The following SRGAP3 variants were observed in gnomAD, a reference collection of about 807,000 sequenced individuals.
SRGAP3 encodes SLIT-ROBO Rho GTPase activating protein 3.
A neutral mutation model predicts 121.1 loss-of-function variants in SRGAP3; 39 were observed. The ratio of observed to expected loss-of-function variants is 0.32; its 90% CI spans 0.25 to 0.42. The LOEUF is 0.42. Ranked by LOEUF, SRGAP3 falls within the 10% of genes least tolerant of loss-of-function variation. The pLI, the probability that SRGAP3 is intolerant of heterozygous loss-of-function variation, is 1.00. For synonymous variants in SRGAP3, 601 were observed against 570.0 expected, an observed-to-expected ratio of 1.05 and a Z score of -0.77; for missense variants, 1,213 against 1,470.6, an observed-to-expected ratio of 0.82 and a Z score of 2.86.
At chr3:9,152,487 G>A (rs1243485631) in intron 1 of SRGAP3, among the ~76,000 whole-genome samples, 16 of 152,322 alleles carry the variant, frequency 1.1e-4, no homozygotes, top group Non-Finnish European at 4.4e-5. Flanking sequence ...CTAAAGCCAC[G>A]CAGGCCCAGC....
At chr3:9,059,002 G>A (rs1347305360) in intron 6 of SRGAP3, 1 of 164,138 alleles carries the variant, frequency 6.1e-6, no homozygotes, top group Non-Finnish European at 1.3e-5. Flanking sequence ...ACAAGCGTGA[G>A]CCCATCTTTC....
At chr3:9,100,012 C>T (rs946014674) in intron 3 of SRGAP3, among the ~76,000 whole-genome samples, 3 of 152,216 alleles carry the variant, frequency 2.0e-5, no homozygotes, top group Non-Finnish European at 2.9e-5. Flanking sequence ...GCTGATGCCA[C>T]GTGTGAGTCC....
Position 9,323,901 on chromosome 3 carries a change from T to A in SRGAP3, n.442+2109A>T, listed in dbSNP as rs544571987. Among the ~76,000 whole-genome samples the A allele has an allele frequency of 9.2e-5, 14 of 151,360 alleles. No homozygotes were observed. The South Asian group carries it at 2.5e-3, about 27-fold the overall frequency. ...AAGAAAAACTTCAGCGGAATTAAAT[T>A]TAAAAGAGTTTGAGCAATGAACGAT... On this transcript the variant is annotated intron_variant and non_coding_transcript_variant, in intron 3 of 3. Transcript: ENST00000490889.
intron 3 of SRGAP3, among the ~76,000 whole-genome samples, chr3:9,286,372 C>A: frequency 6.6e-6 from 1 of 151,454 alleles, no homozygotes; most frequent in East Asian, 2.0e-4. Context: ...TACCAAAATC[C>A]AAGGTTGGCT....
chr3:9,212,318 C>T (rs768046460), intron 1 of SRGAP3, among the ~76,000 whole-genome samples: 3 of 152,194 alleles, frequency 2.0e-5, no homozygotes, highest in Non-Finnish European at 4.4e-5. Context: ...TGTTTCCCAA[C>T]CCCAAGAGGT....
chr3:9,226,475 C>T (rs2125210321), intron 1 of SRGAP3, among the ~76,000 whole-genome samples: 1 of 152,276 alleles, frequency 6.6e-6, no homozygotes, highest in East Asian at 1.9e-4. Context: ...TAGGAGACTG[C>T]CTGCCTGTTC....
chr3:9,349,053 T>C lies in SRGAP3; in HGVS notation n.214+13787A>G, dbSNP rs747200410. Reference sequence around the variant, plus strand: ...GAGGGCCTCTCTGAAGAGGCTATCATGGAGCTGAACCTGCCCACTGGTATT... The same window carrying C: ...GAGGGCCTCTCTGAAGAGGCTATCACGGAGCTGAACCTGCCCACTGGTATT... On this transcript the variant is annotated intron_variant and non_coding_transcript_variant, in intron 1 of 3. Transcript: ENST00000490889. The C allele has an allele frequency of 5.0e-5, 49 of 980,830 alleles. No homozygotes were observed. The East Asian group carries it at 1.0e-3, about 20-fold the overall frequency. The allele number at this position is 980,830 out of a possible 1,614,324, so 60.8% of individuals were successfully genotyped here.
At chr3:9,079,969 G>A (rs1575041023) in intron 4 of SRGAP3, 56 bp downstream of exon 4, 2 of 1,596,956 alleles carry the variant, frequency 1.3e-6, no homozygotes, top group East Asian at 4.5e-5. Flanking sequence ...CTCCAGCTCT[G>A]GTGATGAAGA....
intron 1 of SRGAP3, among the ~76,000 whole-genome samples, chr3:9,201,975 A>G (rs1353807111): frequency 6.6e-6 from 1 of 152,034 alleles, no homozygotes; most frequent in Non-Finnish European, 1.5e-5. Flanking sequence ...CTTCAAACTC[A>G]GGCCTTTCAA....
intron 18 of SRGAP3, among the ~76,000 whole-genome samples, chr3:8,996,117 A>G (rs963574577): frequency 6.6e-6 from 1 of 152,230 alleles, no homozygotes; most frequent in African/African-American, 2.4e-5. Flanking sequence ...TCATCTGTTA[A>G]ATGGAAATGG....
intron 3 of SRGAP3, among the ~76,000 whole-genome samples, chr3:9,314,008 T>C (rs1203247152): frequency 1.3e-5 from 2 of 152,112 alleles, no homozygotes; most frequent in Admixed American, 6.5e-5. Context: ...AAAAAGAAAA[T>C]AGCTTATAAT....
At chr3:9,248,742 C>A in intron 1 of SRGAP3, 143 bp downstream of exon 1, 1 of 867,986 alleles carries the variant, frequency 1.2e-6, no homozygotes, top group Non-Finnish European at 1.9e-6. Flanking sequence ...GCGGCTGCCA[C>A]TGTTACTCCT....
chr3:9,190,153 A>G (rs1951708433), intron 1 of SRGAP3, among the ~76,000 whole-genome samples: 1 of 152,212 alleles, frequency 6.6e-6, no homozygotes, highest in South Asian at 2.1e-4. Context: ...GTCTAGAAAC[A>G]TCCTCACACA....
chr3:9,232,091 C>T (rs976221248), intron 1 of SRGAP3, among the ~76,000 whole-genome samples: 2 of 152,170 alleles, frequency 1.3e-5, no homozygotes, highest in Admixed American at 6.5e-5. Context: ...TTCCTCACTG[C>T]GTGGGGGAAT....
At chr3:9,151,889 G>A (rs1950223528) in intron 1 of SRGAP3, among the ~76,000 whole-genome samples, 4 of 152,212 alleles carry the variant, frequency 2.6e-5, no homozygotes, top group Admixed American at 2.6e-4. Context: ...GAATCCAGTT[G>A]GAAAGGAACT....
At chr3:9,127,188 T>C (rs925763968) in intron 1 of SRGAP3, among the ~76,000 whole-genome samples, 5 of 152,062 alleles carry the variant, frequency 3.3e-5, no homozygotes, top group Non-Finnish European at 5.9e-5. Context: ...AAGTTTTAAA[T>C]TAGCCAGGTG....
chr3:9,261,547 G>A (rs1954255949), intron 3 of SRGAP3, among the ~76,000 whole-genome samples: 2 of 151,882 alleles, frequency 1.3e-5, no homozygotes, highest in Admixed American at 1.3e-4. Context: ...AGAACTTCGT[G>A]AAGCATACAC....
At chr3:9,280,053 C>T (rs568246323) in intron 3 of SRGAP3, among the ~76,000 whole-genome samples, 24 of 152,308 alleles carry the variant, frequency 1.6e-4, no homozygotes, top group African/African-American at 5.8e-4. Context: ...AAAGGGCCAG[C>T]CCAGCAGGCA....
At chr3:8,991,114 C>G in intron 20 of SRGAP3, among the ~76,000 whole-genome samples, 1 of 152,206 alleles carries the variant, frequency 6.6e-6, no homozygotes, top group Non-Finnish European at 1.5e-5. Flanking sequence ...CAAAATGCAT[C>G]TGGTCTACAT....
Sources: allele counts gnomAD v4.1 joint callset (sites outside exome capture counted in the v4.1 genomes callset), GRCh38; gene constraint gnomAD v4.1.1; transcripts MANE v1.5; gene names NCBI Gene and HGNC (gene_info 2026-07-23, HGNC 2026-07-21).